The following CNTNAP2 variants were observed in gnomAD, a reference collection of about 807,000 sequenced individuals.
The protein encoded by CNTNAP2 is contactin associated protein 2.
A neutral mutation model predicts 155.2 loss-of-function variants in CNTNAP2; 98 were observed. That is an observed-to-expected ratio of 0.63 (90% CI 0.54 to 0.75). The LOEUF is 0.75. CNTNAP2 is among the 30% of genes least tolerant of loss of function. The pLI is 0.00. For missense variants in CNTNAP2, 1,727 were observed against 1,688.1 expected, an observed-to-expected ratio of 1.02 and a Z score of -0.40; for synonymous variants, 651 against 631.2, an observed-to-expected ratio of 1.03 and a Z score of -0.47.
rs1563079446 is a variant in CNTNAP2 at position 148,413,409 on chromosome 7, TATATATATA to T, written c.3797-2007_3797-1999del. On this transcript the variant is annotated intron_variant, in intron 23 of 23. Coordinates refer to ENST00000361727, the MANE Select transcript of CNTNAP2 (RefSeq NM_014141.6). ...CTCCGTCTCAAAAAAAAAATATATA[TATATATATA>T]TATATATATATATATATATATATAT... Among the ~76,000 whole-genome samples, 3 of 33,654 alleles carry T rather than the reference TATATATATA, an allele frequency of 8.9e-5. 1 individual carries two copies. Among genetic ancestry groups the T allele is most frequent in the African/African-American group, 5.9e-4 (3 of 5,114 alleles). 22.1% of individuals were successfully genotyped at this position (33,654 alleles called of 152,430 possible). A position where few individuals can be genotyped will look rare whatever the true frequency, so the allele number is the denominator to read the frequency against.
chr7:148,261,417 C>T (rs528491286), intron 20 of CNTNAP2, among the ~76,000 whole-genome samples: 3 of 152,328 alleles, frequency 2.0e-5, no homozygotes, highest in South Asian at 4.1e-4. Context: ...ACTTTGCCCC[C>T]CAAAGTGCTG....
intron 1 of CNTNAP2, among the ~76,000 whole-genome samples, chr7:146,494,208 C>A (rs552412193): frequency 6.6e-6 from 1 of 152,008 alleles, no homozygotes; most frequent in South Asian, 2.1e-4. Context: ...GTGGCGGGCA[C>A]CTGTAGTCCC....
At chr7:146,173,438 A>G (rs569990512) in intron 1 of CNTNAP2, among the ~76,000 whole-genome samples, 22 of 152,142 alleles carry the variant, frequency 1.4e-4, no homozygotes, top group Admixed American at 6.6e-4. Context: ...TGCTTCCTCA[A>G]ATAATCCCCC....
intron 14 of CNTNAP2, among the ~76,000 whole-genome samples, chr7:147,975,326 G>T (rs1260840442): frequency 6.6e-6 from 1 of 151,992 alleles, no homozygotes; most frequent in East Asian, 1.9e-4. Flanking sequence ...AGGGCATGGG[G>T]GGTGCTTCTA....
rs147338631 is a variant in CNTNAP2 at position 148,297,942 on chromosome 7, C to T, written c.3475+30816C>T. 5.8e-3 allele frequency among the ~76,000 whole-genome samples: 876 copies of T among 152,226 alleles called. 7 individuals are homozygous for T. Among genetic ancestry groups the T allele is most frequent in the African/African-American group, 0.019 (787 of 41,522 alleles). On this transcript the variant is annotated intron_variant, in intron 21 of 23. Coordinates refer to ENST00000361727, the MANE Select transcript of CNTNAP2 (RefSeq NM_014141.6). ...CTGTGAGTTCCCAAACAGCTCCCCA[C>T]GCTCAAGAGCTGCTTTTCTTTCTCA...
chr7:147,430,940 C>G (rs895394866), intron 10 of CNTNAP2, among the ~76,000 whole-genome samples: 1 of 151,614 alleles, frequency 6.6e-6, no homozygotes, highest in African/African-American at 2.4e-5. Flanking sequence ...CTCAGCTACT[C>G]GGGAGGCTGA....
rs78690517 is a variant in CNTNAP2, at chr7:146,345,102, G to A, written c.97+228129G>A. 6.7e-4 allele frequency among the ~76,000 whole-genome samples: 102 copies of A among 152,214 alleles called. 1 individual carries two copies. The East Asian group carries it at 0.016, about 24-fold the overall frequency. On this transcript the variant is annotated intron_variant, in intron 1 of 23. Transcript: ENST00000361727. ...CAAGTGCAAATTGTTAAGAAAGAGA[G>A]GCATACATTCTTTCTAAGTGGCTTG... is the stretch of plus-strand genomic sequence containing the variant.
chr7:147,687,303 T>C (rs1796028398), intron 13 of CNTNAP2, among the ~76,000 whole-genome samples: 1 of 152,110 alleles, frequency 6.6e-6, no homozygotes, highest in East Asian at 1.9e-4. Flanking sequence ...TGCATTGCCT[T>C]GTATACAAGT....
At chr7:148,017,689 G>A (rs10952723) in intron 15 of CNTNAP2, among the ~76,000 whole-genome samples, 59,830 of 152,106 alleles carry the variant, frequency 0.39, 12,422 homozygotes, top group East Asian at 0.74. Flanking sequence ...TCAGAAAAGC[G>A]TATGGTCAAG....
intron 4 of CNTNAP2, among the ~76,000 whole-genome samples, chr7:147,056,283 G>A (rs1362004455): frequency 6.6e-6 from 1 of 151,960 alleles, no homozygotes; most frequent in East Asian, 1.9e-4. Flanking sequence ...TTTTAAACTT[G>A]CTGTGTTGGC....
chr7:146,344,774 G>A (rs1308648930), intron 1 of CNTNAP2, among the ~76,000 whole-genome samples: 1 of 152,164 alleles, frequency 6.6e-6, no homozygotes, highest in East Asian at 1.9e-4. Flanking sequence ...ACTGCTCCCG[G>A]CCAACTAGCT....
chr7:146,185,375 C>T (rs1336846196), intron 1 of CNTNAP2, among the ~76,000 whole-genome samples: 1 of 152,076 alleles, frequency 6.6e-6, no homozygotes, highest in Admixed American at 6.6e-5. Context: ...TTTCATCCTA[C>T]CATGGCAAAG....
chr7:146,417,053 A>T lies in CNTNAP2; in HGVS notation c.97+300080A>T, dbSNP rs111254425. Among the ~76,000 whole-genome samples the T allele has an allele frequency of 5.5e-3, 838 of 152,248 alleles. 2 individuals are homozygous for T. Among genetic ancestry groups the T allele is most frequent in the South Asian group, 0.019 (93 of 4,822 alleles). The stretch of plus-strand genomic sequence containing the variant: ...TATGCTGTGGACTCACTCTCCATGT[A>T]TACAATAGGTTTGACATTTGATAGA... On this transcript the variant is annotated intron_variant, in intron 1 of 23. Coordinates refer to ENST00000361727, the MANE Select transcript of CNTNAP2 (RefSeq NM_014141.6).
At chr7:147,904,900 T>TACACACAC (rs58242194) in intron 14 of CNTNAP2, among the ~76,000 whole-genome samples, 4,044 of 149,166 alleles carry the variant, frequency 0.027, 87 homozygotes, top group Non-Finnish European at 0.042. Flanking sequence ...AAGATGTATC[T>TACACACAC]ACACACACAC....
At chr7:146,922,332 A>G (rs185345078) in intron 3 of CNTNAP2, among the ~76,000 whole-genome samples, 1 of 151,860 alleles carries the variant, frequency 6.6e-6, no homozygotes, top group African/African-American at 2.4e-5. Context: ...GCTTTTATTG[A>G]CATTGTATAG....
At chr7:147,593,431 T>C (rs1340441976) in intron 12 of CNTNAP2, among the ~76,000 whole-genome samples, 1 of 151,978 alleles carries the variant, frequency 6.6e-6, no homozygotes, top group Non-Finnish European at 1.5e-5. Context: ...GACATGGCTC[T>C]GTTATTAATT....
intron 11 of CNTNAP2, among the ~76,000 whole-genome samples, chr7:147,545,854 A>G (rs1212154153): frequency 6.6e-6 from 1 of 152,190 alleles, no homozygotes; most frequent in Non-Finnish European, 1.5e-5. Flanking sequence ...CCAGTGGGAA[A>G]TAATTGAATC....
intron 13 of CNTNAP2, among the ~76,000 whole-genome samples, chr7:147,772,448 ATATAT>A (rs1478237968): frequency 1.8e-4 from 8 of 44,770 alleles, no homozygotes; most frequent in African/African-American, 1.2e-3. Flanking sequence ...CTCTCTCGCT[ATATAT>A]ATATATATAT....
chr7:147,017,046 G>T (rs946434773), intron 3 of CNTNAP2, among the ~76,000 whole-genome samples: 1 of 147,870 alleles, frequency 6.8e-6, no homozygotes, highest in Non-Finnish European at 1.5e-5. Context: ...AAAAAAAAAA[G>T]AAATCAATGT....
Sources: allele counts gnomAD v4.1 joint callset (sites outside exome capture counted in the v4.1 genomes callset), GRCh38; gene constraint gnomAD v4.1.1; transcripts MANE v1.5; gene names NCBI Gene and HGNC (gene_info 2026-07-23, HGNC 2026-07-21).